PLCG2: variants seen among roughly 807,000 people sequenced by gnomAD.
PLCG2 encodes phospholipase C gamma 2.
PLCG2 carries 69 observed loss-of-function variants against 175.6 expected under a neutral mutation model. The observed-to-expected ratio is 0.39, with a 90% confidence interval of 0.32 to 0.48. PLCG2 has a LOEUF of 0.48. Ranked by LOEUF, PLCG2 falls within the 20% of genes least tolerant of loss-of-function variation. PLCG2 has a pLI of 0.91. For missense variants in PLCG2, 1,798 were observed against 1,650.9 expected, an observed-to-expected ratio of 1.09 and a Z score of -1.54; for synonymous variants, 827 against 624.0, an observed-to-expected ratio of 1.33 and a Z score of -4.85.
At chr16:81,936,937 G>A (rs536776783) in intron 27 of PLCG2, among the ~76,000 whole-genome samples, 4 of 152,172 alleles carry the variant, frequency 2.6e-5, no homozygotes, top group East Asian at 1.9e-4. Flanking sequence ...ATAAGTCCCC[G>A]TGGAGGCACA....
chr16:81,837,590 G>T (rs1263407120), intron 2 of PLCG2, among the ~76,000 whole-genome samples: 1 of 152,188 alleles, frequency 6.6e-6, no homozygotes, highest in Non-Finnish European at 1.5e-5. Context: ...CAGTGCCTAG[G>T]GAGCCTGAAC....
intron 1 of PLCG2, among the ~76,000 whole-genome samples, chr16:81,780,987 A>G (rs1910702613): frequency 6.6e-6 from 1 of 152,180 alleles, no homozygotes. Context: ...AGATCATGCC[A>G]CTGCACTCCA....
At chr16:81,944,862 G>C (rs192129071) in intron 30 of PLCG2, among the ~76,000 whole-genome samples, 2 of 152,248 alleles carry the variant, frequency 1.3e-5, no homozygotes, top group Middle Eastern at 3.4e-3. Flanking sequence ...TAGATATCAA[G>C]GGCCAACTGT....
At position 81,961,239 on chromosome 16, in the gene PLCG2, A is replaced by G. The variant is rs532502371; in HGVS notation, c.*3241A>G. 3 of 225,910 alleles carry G rather than the reference A, an allele frequency of 1.3e-5. No individual in the cohort carries two copies. The highest frequency in any genetic ancestry group is 1.8e-4 in the South Asian group (1 of 5,452). 14.0% of individuals were successfully genotyped at this position (225,910 alleles called of 1,614,324 possible). On this transcript the variant is annotated 3_prime_UTR_variant, in exon 33 of 33. Coordinates refer to ENST00000564138, the MANE Select transcript of PLCG2 (RefSeq NM_002661.5). ...TTCCCATTGATGTATCTGTGTGAAC[A>G]AGGATCAACATCTCCATAAATGAAA...
chr16:81,912,650 T>G lies in PLCG2; in HGVS notation c.1988T>G (p.Ile663Ser). 1 of 1,613,250 alleles carries G rather than the reference T, an allele frequency of 6.2e-7. No homozygotes were observed. Among genetic ancestry groups the G allele is most frequent in the Non-Finnish European group, 8.5e-7 (1 of 1,179,770 alleles). ...GAGGCAGAGGACATGCTGATGAGGA[T>G]TCCCCGGGACGGGGCCTTCCTGATC... ...RGEAEDMLMR[I>S]PRDGAFLIRK... Residue 663 changes from isoleucine to serine, a missense_variant, in exon 19 of 33, where the codon ATT (isoleucine) becomes AGT (serine). Transcript: ENST00000564138.
intron 1 of PLCG2, among the ~76,000 whole-genome samples, chr16:81,748,319 G>A (rs959594408): frequency 1.3e-5 from 2 of 152,202 alleles, no homozygotes; most frequent in Admixed American, 1.3e-4. Flanking sequence ...GAACCTGGAA[G>A]GTGGAAGTTG....
chr16:81,783,233 A>G (rs1910821331), intron 1 of PLCG2: 1 of 440,684 alleles, frequency 2.3e-6, no homozygotes, highest in African/African-American at 2.0e-5. Context: ...GGCTGGGAAC[A>G]GTCAACATAG....
chr16:81,838,868 G>A (rs1294103571), intron 2 of PLCG2, among the ~76,000 whole-genome samples: 1 of 151,434 alleles, frequency 6.6e-6, no homozygotes, highest in Non-Finnish European at 1.5e-5. Context: ...AAGGCTTTAA[G>A]CATGGGTCCA....
At chr16:81,764,900 G>T (rs1156308489) in intron 2 of PLCG2, among the ~76,000 whole-genome samples, 1 of 152,006 alleles carries the variant, frequency 6.6e-6, no homozygotes, top group East Asian at 1.9e-4. Context: ...GACCAGCCTG[G>T]ACAAAACTGA....
chr16:81,961,522 T>G lies in PLCG2; in HGVS notation c.*3524T>G, dbSNP rs150738600. 4.5e-6 allele frequency: 1 copy of G among 220,084 alleles called. No homozygotes were observed. The highest frequency in any genetic ancestry group is 5.8e-5 in the Admixed American group (1 of 17,342). The allele number at this position is 220,084 out of a possible 1,614,324, so 13.6% of individuals were successfully genotyped here. On this transcript the variant is annotated 3_prime_UTR_variant, in exon 33 of 33. Coordinates refer to ENST00000564138, the MANE Select transcript of PLCG2 (RefSeq NM_002661.5). ...CTATATAATACTTTTGGTACAGAGA[T>G]AGAATTAAATAACATAAAAATCAAA...
intron 14 of PLCG2, among the ~76,000 whole-genome samples, chr16:81,901,938 T>G (rs1909169784): frequency 6.6e-6 from 1 of 152,254 alleles, no homozygotes; most frequent in Non-Finnish European, 1.5e-5. Flanking sequence ...GGTCTGTAGC[T>G]TTCCCCAGAT....
chr16:81,869,605 T>C (rs553427167), intron 6 of PLCG2, among the ~76,000 whole-genome samples: 9 of 152,352 alleles, frequency 5.9e-5, no homozygotes, highest in Non-Finnish European at 1.2e-4. Context: ...AGCCCATTTT[T>C]TCCCTAGTGA....
chr16:81,775,451 GTCT>G (rs1260333839), upstream of PLCG2, among the ~76,000 whole-genome samples: 5 of 152,174 alleles, frequency 3.3e-5, no homozygotes, highest in Admixed American at 6.5e-5. Flanking sequence ...TTCACAGGAG[GTCT>G]TCTTCTTCCC....
intron 2 of PLCG2, among the ~76,000 whole-genome samples, chr16:81,832,209 A>G (rs887697659): frequency 2.0e-5 from 3 of 152,186 alleles, no homozygotes; most frequent in African/African-American, 4.8e-5. Context: ...TTGGGGGGAT[A>G]TTCACCATCA....
Position 81,940,041 on chromosome 16 carries a change from A to C in PLCG2, c.3463A>C (p.Ile1155Leu). The change falls in exon 30 of 33, where the codon ATT becomes CTT. Residue 1155 changes from isoleucine to leucine, a missense_variant. Transcript: ENST00000564138. The part of the protein sequence containing the change: ...PNFLAHATYP[I>L]KAVKSGFRSV... ...CTTTCTTGCTCATGCCACTTACCCC[A>C]TTAAAGCAGTCAAATCAGGTAAGAG... 1 of 1,612,080 alleles carries C rather than the reference A, an allele frequency of 6.2e-7. No individual in the cohort carries two copies. The highest frequency in any genetic ancestry group is 8.5e-7 in the Non-Finnish European group (1 of 1,178,178).
upstream of PLCG2, among the ~76,000 whole-genome samples, chr16:81,774,993 TC>T (rs1443691617): frequency 6.6e-6 from 1 of 152,108 alleles, no homozygotes; most frequent in Non-Finnish European, 1.5e-5. Context: ...TGGTCCACCC[TC>T]CTTAGCCTCC....
At position 81,810,393 on chromosome 16, in the gene PLCG2, T is replaced by C. The variant is rs1357310024; in HGVS notation, c.193+24211T>C. Among the ~76,000 whole-genome samples the C allele has an allele frequency of 2.0e-5, 3 of 152,254 alleles. No homozygotes were observed. The East Asian group carries it at 5.8e-4, about 29-fold the overall frequency. Reference sequence around the variant, plus strand: ...TCTCAGCATCTATGCTTGGCCTTCGTTATTTGCAGCATCAGTATTGGTGAA... The same window carrying C: ...TCTCAGCATCTATGCTTGGCCTTCGCTATTTGCAGCATCAGTATTGGTGAA... On this transcript the variant is annotated intron_variant, in intron 2 of 32. Transcript: ENST00000564138.
chr16:81,903,840 C>G (rs1022474475), intron 14 of PLCG2, among the ~76,000 whole-genome samples: 3 of 152,174 alleles, frequency 2.0e-5, no homozygotes, highest in South Asian at 2.1e-4. Context: ...CTGAAGGCCC[C>G]TTTTAGAGCA....
At chr16:81,925,651 G>T (rs1428581372) in intron 22 of PLCG2, among the ~76,000 whole-genome samples, 2 of 152,194 alleles carry the variant, frequency 1.3e-5, no homozygotes, top group Non-Finnish European at 2.9e-5. Context: ...ACTTTGGGAG[G>T]CCGAGGCGGG....
Sources: gnomAD v4.1 joint callset for allele counts (sites outside exome capture counted in the v4.1 genomes callset) on GRCh38, gnomAD v4.1.1 for gene constraint, MANE v1.5 for transcripts, NCBI Gene and HGNC (gene_info 2026-07-23, HGNC 2026-07-21) for gene names.